The following FOXN3 variants were observed in gnomAD, a reference collection of about 807,000 sequenced individuals.
The protein encoded by FOXN3 is forkhead box protein N3.
In FOXN3, 7 loss-of-function variants were observed where a neutral mutation model predicts 38.4. The observed-to-expected ratio is 0.18, with a 90% CI of 0.10 to 0.34. The LOEUF is 0.34. Ranked by LOEUF, FOXN3 falls within the 10% of genes least tolerant of loss-of-function variation. The pLI is 1.00. For missense variants in FOXN3, 456 were observed against 613.4 expected (o/e 0.74, Z 2.71); for synonymous variants, 230 against 242.2 (o/e 0.95, Z 0.47).
At chr14:89,406,870 CAGAG>C (rs1240483040) in intron 2 of FOXN3, among the ~76,000 whole-genome samples, 10 of 152,018 alleles carry the variant, frequency 6.6e-5, no homozygotes, top group South Asian at 6.2e-4. Context: ...TACAAGTACT[CAGAG>C]AGGTTAGTAC....
intron 4 of FOXN3, among the ~76,000 whole-genome samples, chr14:89,207,835 G>T (rs1423614740): frequency 6.6e-6 from 1 of 152,208 alleles, no homozygotes; most frequent in Middle Eastern, 3.2e-3. Context: ...GGGAAGACAG[G>T]CTAGGTCTAA....
At chr14:89,313,556 T>C (rs35591207) in intron 3 of FOXN3, among the ~76,000 whole-genome samples, 108,425 of 146,336 alleles carry the variant, frequency 0.74, 39,801 homozygotes, top group Middle Eastern at 0.83. Flanking sequence ...GATGCTGTCT[T>C]AAAAAAAAAA....
At chr14:89,545,515 C>A (rs918163563) in intron 1 of FOXN3, among the ~76,000 whole-genome samples, 22 of 152,204 alleles carry the variant, frequency 1.4e-4, no homozygotes, top group African/African-American at 5.3e-4. Context: ...GCCTCCCCAG[C>A]TCCCAGTCCA....
intron 1 of FOXN3, among the ~76,000 whole-genome samples, chr14:89,457,546 G>A (rs1026461228): frequency 6.6e-6 from 1 of 152,168 alleles, no homozygotes; most frequent in Admixed American, 6.5e-5. Flanking sequence ...GACAACAATA[G>A]TACCTACTTG....
chr14:89,506,050 C>T (rs1447239866), intron 1 of FOXN3, among the ~76,000 whole-genome samples: 2 of 147,650 alleles, frequency 1.4e-5, no homozygotes, highest in Non-Finnish European at 1.5e-5. Context: ...CCCGGCCAGC[C>T]GCCCCGTCCA....
intron 1 of FOXN3, among the ~76,000 whole-genome samples, chr14:89,603,954 T>C (rs944409948): frequency 3.9e-5 from 6 of 152,038 alleles, no homozygotes; most frequent in African/African-American, 1.4e-4. Flanking sequence ...AAGTGCTAAG[T>C]AGAAAGGGAA....
intron 4 of FOXN3, among the ~76,000 whole-genome samples, chr14:89,192,734 T>C (rs958857056): frequency 4.1e-5 from 6 of 146,230 alleles, no homozygotes; most frequent in Non-Finnish European, 6.0e-5. Context: ...TAATAGTTAA[T>C]ATATGTATAC....
At chr14:89,197,214 A>G (rs1352471370) in intron 4 of FOXN3, among the ~76,000 whole-genome samples, 1 of 152,234 alleles carries the variant, frequency 6.6e-6, no homozygotes, top group Non-Finnish European at 1.5e-5. Flanking sequence ...ATCAGATATA[A>G]GAACACGGGT....
chr14:89,179,738 T>C (rs1248934820), intron 5 of FOXN3, among the ~76,000 whole-genome samples: 1 of 152,210 alleles, frequency 6.6e-6, no homozygotes, highest in Non-Finnish European at 1.5e-5. Flanking sequence ...GTTTCTCTGA[T>C]GCTGGTTCCC....
At position 89,412,439 on chromosome 14, in the gene FOXN3, CT is replaced by C; in HGVS notation, c.37del (p.Ser13AlafsTer10). ...PVMPPSKKPE[S>X]SGISVSSGLS... ...TCCACTGGAGACACTAATTCCTGAG[CT>C]TTCTGGCTTCTTACTGGGAGGCATG... On this transcript the variant is annotated frameshift_variant, in exon 2 of 6. Coordinates refer to ENST00000557258, the MANE Select transcript of FOXN3 (RefSeq NM_005197.4). LOFTEE classifies it high-confidence loss of function. This position sits in a 1 kb window ranked among gnomAD's most constrained non-coding sequence, Gnocchi z 4.7. 1 of 1,610,554 alleles carries C rather than the reference CT, an allele frequency of 6.2e-7. No homozygotes were observed.
intron 3 of FOXN3, chr14:89,291,363 C>A: frequency 1.7e-6 from 1 of 585,484 alleles, no homozygotes. Flanking sequence ...CCCTGTAACA[C>A]CCTTTCTGCA....
At chr14:89,454,220 C>T (rs1892675864) in intron 1 of FOXN3, among the ~76,000 whole-genome samples, 1 of 152,150 alleles carries the variant, frequency 6.6e-6, no homozygotes, top group South Asian at 2.1e-4. Flanking sequence ...TTGAGAATCG[C>T]TTGAATCCAG....
At chr14:89,198,946 G>C (rs1338026123) in intron 4 of FOXN3, among the ~76,000 whole-genome samples, 1 of 152,184 alleles carries the variant, frequency 6.6e-6, no homozygotes, top group Admixed American at 6.5e-5. Flanking sequence ...AAAATCCCTA[G>C]GCATCGGTTA....
intron 1 of FOXN3, among the ~76,000 whole-genome samples, chr14:89,461,410 T>C (rs1292118626): frequency 2.0e-5 from 3 of 151,778 alleles, no homozygotes; most frequent in Admixed American, 1.3e-4. Flanking sequence ...CACCAGAATA[T>C]ACGCACCAGG....
chr14:89,326,306 AT>A (rs1888081480), intron 3 of FOXN3, among the ~76,000 whole-genome samples: 1 of 152,234 alleles, frequency 6.6e-6, no homozygotes, highest in South Asian at 2.1e-4. Context: ...AATATTAAAC[AT>A]GAGGAATGAA....
At chr14:89,507,497 TATTTGATTGCAAACC>T (rs1893969635) in intron 1 of FOXN3, among the ~76,000 whole-genome samples, 1 of 152,266 alleles carries the variant, frequency 6.6e-6, no homozygotes, top group South Asian at 2.1e-4. Context: ...AAGGTCTTTC[TATTTGATTGCAAACC>T]ATACATCAAC....
chr14:89,569,016 A>T, intron 1 of FOXN3, among the ~76,000 whole-genome samples: 1 of 152,210 alleles, frequency 6.6e-6, no homozygotes, highest in South Asian at 2.1e-4. Flanking sequence ...CAACCCGGCT[A>T]ACACGGTGAA....
At chr14:89,171,075 T>C (rs1887376593) in intron 5 of FOXN3, among the ~76,000 whole-genome samples, 1 of 151,718 alleles carries the variant, frequency 6.6e-6, no homozygotes. Flanking sequence ...AAAAAATCTA[T>C]GGCGAAATTA....
intron 1 of FOXN3, among the ~76,000 whole-genome samples, chr14:89,593,245 G>C: frequency 6.6e-6 from 1 of 151,410 alleles, no homozygotes; most frequent in South Asian, 2.1e-4. Flanking sequence ...AGGAGGGAGG[G>C]AGGGAAGGAA....
Sources: gnomAD v4.1 joint callset for allele counts (sites outside exome capture counted in the v4.1 genomes callset) on GRCh38, gnomAD v4.1.1 for gene constraint, Gnocchi (gnomAD v3.1) non-coding constraint, MANE v1.5 for transcripts, NCBI Gene and HGNC (gene_info 2026-07-23, HGNC 2026-07-21) for gene names.